Variants in COG5 observed in about 807,000 individuals in gnomAD.
COG5 encodes the protein component of oligomeric golgi complex 5.
In COG5, 86 loss-of-function variants were observed where a neutral mutation model predicts 110.4. The ratio of observed to expected loss-of-function variants is 0.78; its 90% confidence interval spans 0.65 to 0.93. COG5 has a LOEUF of 0.93. Among genes scored for constraint, COG5 ranks in the 40% least tolerant of loss-of-function variants. The probability of loss-of-function intolerance (pLI) is 0.00; values close to 1 mark genes in which losing one functional copy is unlikely to be tolerated. For missense variants in COG5, 1,077 were observed against 987.0 expected (o/e 1.09, Z -1.22); for synonymous variants, 360 against 334.6 (o/e 1.08, Z -0.83).
intron 7 of COG5, among the ~76,000 whole-genome samples, chr7:107,405,373 G>C (rs1163053871): frequency 6.6e-6 from 1 of 152,096 alleles, no homozygotes; most frequent in African/African-American, 2.4e-5. Flanking sequence ...CCTCTGTCTT[G>C]TTGCTCTCTG....
chr7:107,487,479 G>T (rs1454043839), intron 6 of COG5, among the ~76,000 whole-genome samples: 1 of 152,086 alleles, frequency 6.6e-6, no homozygotes, highest in African/African-American at 2.4e-5. Context: ...CAGGATTAAG[G>T]TGTGAGGCAC....
intron 1 of COG5, among the ~76,000 whole-genome samples, chr7:107,560,635 G>A (rs1803700261): frequency 6.6e-6 from 1 of 152,272 alleles, no homozygotes; most frequent in South Asian, 2.1e-4. Flanking sequence ...ACAGATAACA[G>A]AAACTACCAG....
intron 6 of COG5, among the ~76,000 whole-genome samples, chr7:107,479,622 A>T (rs1393902045): frequency 6.6e-6 from 1 of 152,174 alleles, no homozygotes; most frequent in Non-Finnish European, 1.5e-5. Context: ...GAAGACCATA[A>T]GAAACAGATT....
intron 6 of COG5, among the ~76,000 whole-genome samples, chr7:107,507,815 T>C (rs1003114447): frequency 2.0e-5 from 3 of 152,216 alleles, no homozygotes; most frequent in Admixed American, 6.5e-5. Context: ...CATCAGTGGA[T>C]GAAACAAGTT....
intron 5 of COG5, among the ~76,000 whole-genome samples, chr7:107,546,830 A>G (rs145010362): frequency 1.3e-5 from 2 of 150,948 alleles, no homozygotes; most frequent in Non-Finnish European, 2.9e-5. Flanking sequence ...TTGAATCATA[A>G]AGAAACAAAA....
chr7:107,309,830 T>C (rs1049171245), intron 11 of COG5, among the ~76,000 whole-genome samples: 2 of 152,186 alleles, frequency 1.3e-5, no homozygotes, highest in African/African-American at 2.4e-5. Context: ...ACACAAAAAG[T>C]ATATTCGTAT....
chr7:107,361,948 A>C (rs947433901), intron 10 of COG5, 85 bp downstream of exon 10: 5 of 845,000 alleles, frequency 5.9e-6, no homozygotes, highest in African/African-American at 1.7e-5. Context: ...GCCACTCTAT[A>C]AGGTAGTAGT....
At chr7:107,535,555 A>T (rs1035164181) in intron 5 of COG5, among the ~76,000 whole-genome samples, 1 of 147,962 alleles carries the variant, frequency 6.8e-6, no homozygotes, top group African/African-American at 2.7e-5. Context: ...AAACCAGAAA[A>T]TCCAGAAGAA....
intron 1 of COG5, among the ~76,000 whole-genome samples, chr7:107,559,912 G>A (rs1372034935): frequency 6.6e-6 from 1 of 152,200 alleles, no homozygotes; most frequent in Admixed American, 6.5e-5. Context: ...TGACAGATGT[G>A]GTTCCAAAGG....
In COG5 at chr7:107,258,752, G is replaced by A. The variant is rs184475192; in HGVS notation, c.1576-369C>T. On this transcript the variant is annotated intron_variant, in intron 14 of 21. Transcript: ENST00000297135. ...ATAGTAATCCTAAGGAATACCTTCC[G>A]GCAACTGCCAGTTGGGCTCTTTCTA... 9.6e-4 allele frequency: 166 copies of A among 173,208 alleles called. 2 individuals carry two copies. Among genetic ancestry groups the A allele is most frequent in the Admixed American group, 6.3e-3 (104 of 16,562 alleles). 10.7% of individuals were successfully genotyped at this position (173,208 alleles called of 1,614,324 possible). A position where few individuals can be genotyped will look rare whatever the true frequency, so the allele number is the denominator to read the frequency against.
intron 19 of COG5, among the ~76,000 whole-genome samples, chr7:107,226,037 T>C (rs1272888369): frequency 6.6e-6 from 1 of 151,880 alleles, no homozygotes; most frequent in Non-Finnish European, 1.5e-5. Context: ...AAGCGAGACA[T>C]CATCACACAC....
chr7:107,230,376 T>C lies in COG5; in HGVS notation c.2168+239A>G, dbSNP rs868222759. Among the ~76,000 whole-genome samples the C allele has an allele frequency of 2.0e-5, 3 of 152,324 alleles. No homozygotes were observed. The Middle Eastern group carries it at 0.01, about 518-fold the overall frequency. On this transcript the variant is annotated intron_variant, in intron 19 of 21. Transcript: ENST00000297135. ...AATTCTCCCCAAGAAAAGCATAATT[T>C]ACCAGCTTAATCTTGTGAACTGTGA... is the stretch of plus-strand genomic sequence containing the variant.
In COG5 at chr7:107,305,986, T is replaced by C. The variant is rs140719954; in HGVS notation, c.1109-7640A>G. On this transcript the variant is annotated intron_variant, in intron 11 of 21. Coordinates refer to ENST00000297135, the MANE Select transcript of COG5 (RefSeq NM_006348.5). The stretch of plus-strand genomic sequence containing the variant: ...GTGTGCCAATACCAGTAGACAGATG[T>C]ACTGAAGGCGATCTTAGAATCTTTC... Among the ~76,000 whole-genome samples, 180 of 152,264 alleles carry C rather than the reference T, an allele frequency of 1.2e-3. 2 individuals are homozygous for C. Among genetic ancestry groups the C allele is most frequent in the African/African-American group, 4.1e-3 (171 of 41,562 alleles).
intron 6 of COG5, among the ~76,000 whole-genome samples, chr7:107,443,231 C>G (rs915533097): frequency 1.1e-4 from 17 of 151,976 alleles, no homozygotes; most frequent in African/African-American, 4.1e-4. Flanking sequence ...AAAATATATA[C>G]TAAGTGAAAG....
rs200299037 is a variant in COG5 at position 107,236,301 on chromosome 7, C to CT, written c.2091+148dup. ...GTATAAAAGTATCTTTAAACTCTCC[C>CT]TTTTTTTTTTTAACTATTTATGCTT... On this transcript the variant is annotated intron_variant, in intron 18 of 21. Transcript: ENST00000297135. 174,756 of 559,256 alleles carry CT rather than the reference C, an allele frequency of 0.31. 10,418 individuals carry two copies. Among genetic ancestry groups the CT allele is most frequent in the East Asian group, 0.43 (13,586 of 31,884 alleles). 34.6% of individuals were successfully genotyped at this position (559,256 alleles called of 1,614,324 possible). A position where few individuals can be genotyped will look rare whatever the true frequency, so the allele number is the denominator to read the frequency against.
At chr7:107,385,492 T>C (rs571585771) in intron 7 of COG5, among the ~76,000 whole-genome samples, 1 of 152,186 alleles carries the variant, frequency 6.6e-6, no homozygotes, top group Non-Finnish European at 1.5e-5. Flanking sequence ...AAACAAAATA[T>C]AGCATATATA....
At position 107,492,606 on chromosome 7, in the gene COG5, G is replaced by A. The variant is rs191858491; in HGVS notation, c.538+34631C>T. 1.2e-4 allele frequency among the ~76,000 whole-genome samples: 19 copies of A among 152,178 alleles called. No homozygotes were observed. The East Asian group carries it at 2.9e-3, about 23-fold the overall frequency. ...AGCTGAGGACAGTTCCCAGCTTCTA[G>A]AAGACATCTACATACCTTGGCTTAT... On this transcript the variant is annotated intron_variant, in intron 6 of 21. Transcript: ENST00000297135.
At chr7:107,508,914 G>A (rs990014407) in intron 6 of COG5, among the ~76,000 whole-genome samples, 2 of 151,986 alleles carry the variant, frequency 1.3e-5, no homozygotes, top group African/African-American at 4.8e-5. Flanking sequence ...CAACATCAAA[G>A]ACCAAAAGTA....
chr7:107,556,071 T>C (rs1355986804), intron 2 of COG5, among the ~76,000 whole-genome samples: 1 of 150,566 alleles, frequency 6.6e-6, no homozygotes, highest in Non-Finnish European at 1.5e-5. Flanking sequence ...GTAATAAAGG[T>C]CCTGAGACCT....
Sources: allele counts gnomAD v4.1 joint callset (sites outside exome capture counted in the v4.1 genomes callset), GRCh38; gene constraint gnomAD v4.1.1; transcripts MANE v1.5; gene names NCBI Gene and HGNC (gene_info 2026-07-23, HGNC 2026-07-21).